Variants in DMD observed in about 807,000 individuals in gnomAD.
DMD encodes dystrophin, also known as mutant dystrophin.
DMD carries 63 observed loss-of-function variants against 330.1 expected under a neutral mutation model. The observed-to-expected ratio is 0.19, with a 90% CI of 0.16 to 0.24. The LOEUF (loss-of-function observed/expected upper bound fraction) is 0.24, where lower values mean the gene tolerates loss of function less well. Ranked by LOEUF, DMD falls within the 10% of genes least tolerant of loss-of-function variation. The probability of loss-of-function intolerance (pLI) is 1.00; values close to 1 mark genes in which losing one functional copy is unlikely to be tolerated. For synonymous variants in DMD, 1,223 were observed against 959.8 expected (o/e 1.27, Z -5.07); for missense variants, 3,344 against 2,684.1 (o/e 1.25, Z -5.43).
chrX:32,651,588 C>T (rs68166308), intron 9 of DMD, among the ~76,000 whole-genome samples: 9,342 of 111,475 alleles, frequency 0.084, 934 homozygotes, highest in African/African-American at 0.29. Context: ...AAATAATGCA[C>T]GCAAGTCACA....
chrX:32,742,703 A>G (rs1443155510), intron 7 of DMD, among the ~76,000 whole-genome samples: 1 of 111,958 alleles, frequency 8.9e-6, no homozygotes, highest in Non-Finnish European at 1.9e-5. Context: ...CAACACAGAC[A>G]TTGGGCAGTA....
At position 31,872,961 on chromosome X, in the gene DMD, C is replaced by T. The variant is rs183109347; in HGVS notation, c.7098+2227G>A. On this transcript the variant is annotated intron_variant, in intron 48 of 78. Coordinates refer to ENST00000357033, the MANE Select transcript of DMD (RefSeq NM_004006.3). ...CCTAGAACTGATGGCTTCCCTGAGA[C>T]GATGATGTGTTTTGTACGCACCCAG... 1.2e-4 allele frequency among the ~76,000 whole-genome samples: 13 copies of T among 110,791 alleles called. No homozygotes were observed. In the East Asian group the frequency reaches 3.2e-3, roughly 27 times the overall value.
rs1184363936 is a variant in DMD, at chrX:31,891,425, C to A, written c.6913-16052G>T. Among the ~76,000 whole-genome samples the A allele has an allele frequency of 2.7e-5, 3 of 111,982 alleles. No individual in the cohort carries two copies. In the South Asian group the frequency reaches 1.1e-3, roughly 42 times the overall value. Reference sequence around the variant, plus strand: ...TATTCTGCGAGGATTGTTGCCATAACCCCATTTCAACAGGAGACTTGGGCA... The same window carrying A: ...TATTCTGCGAGGATTGTTGCCATAAACCCATTTCAACAGGAGACTTGGGCA... On this transcript the variant is annotated intron_variant, in intron 47 of 78. Coordinates refer to ENST00000357033, the MANE Select transcript of DMD (RefSeq NM_004006.3).
At chrX:31,951,158 T>C (rs979278913) in intron 45 of DMD, among the ~76,000 whole-genome samples, 1,217 of 79,049 alleles carry the variant, frequency 0.015, 39 homozygotes, top group African/African-American at 0.068. Context: ...TATATATATA[T>C]GTATATATAT....
chrX:31,756,486 A>ACG (rs2089101291), intron 51 of DMD, among the ~76,000 whole-genome samples: 1 of 105,599 alleles, frequency 9.5e-6, no homozygotes, highest in African/African-American at 3.4e-5. Context: ...ACACACACAC[A>ACG]CACGCGCATG....
chrX:31,472,689 T>C (rs946184048), intron 59 of DMD, among the ~76,000 whole-genome samples: 2 of 112,217 alleles, frequency 1.8e-5, no homozygotes, highest in Non-Finnish European at 3.8e-5. Context: ...AAACTTTAGA[T>C]GTGAATGCTG....
chrX:33,019,112 T>C (rs2093863956), intron 2 of DMD, among the ~76,000 whole-genome samples: 1 of 111,839 alleles, frequency 8.9e-6, no homozygotes, highest in Non-Finnish European at 1.9e-5. Flanking sequence ...GGAGAACTTT[T>C]GAGATTGGAT....
At chrX:33,074,137 G>A (rs141854246) in intron 1 of DMD, among the ~76,000 whole-genome samples, 1,440 of 111,235 alleles carry the variant, frequency 0.013, 26 homozygotes, top group African/African-American at 0.045. Context: ...AATCCCAGCC[G>A]CCATTCTTCA....
chrX:32,403,348 A>G (rs1430663619), intron 30 of DMD, among the ~76,000 whole-genome samples: 2 of 111,583 alleles, frequency 1.8e-5, no homozygotes, highest in Non-Finnish European at 3.8e-5. Context: ...AAGTTATTAG[A>G]CTGGTGCAAA....
Position 32,109,932 on chromosome X carries a change from G to A in DMD, c.6438+106984C>T, listed in dbSNP as rs1043997195. 1.4e-4 allele frequency among the ~76,000 whole-genome samples: 15 copies of A among 111,040 alleles called. No homozygotes were observed. The Admixed American group carries it at 1.4e-3, about 11-fold the overall frequency. ...TAAGGCAACTTCTTGACAAACACAC[G>A]TCAAATAACACCAACATCAAAATCT... On this transcript the variant is annotated intron_variant, in intron 44 of 78. Coordinates refer to ENST00000357033, the MANE Select transcript of DMD (RefSeq NM_004006.3).
intron 29 of DMD, among the ~76,000 whole-genome samples, chrX:32,428,348 C>T (rs1014598479): frequency 1.2e-4 from 13 of 111,568 alleles, no homozygotes; most frequent in African/African-American, 4.2e-4. Context: ...GAGTATTTCC[C>T]TAATAATACC....
intron 47 of DMD, 135 bp downstream of exon 47, chrX:31,929,461 G>A: frequency 1.3e-6 from 1 of 749,390 alleles, no homozygotes; most frequent in Non-Finnish European, 2.0e-6. Context: ...CAAACGGTCA[G>A]GTTAAAAAAA....
intron 7 of DMD, among the ~76,000 whole-genome samples, chrX:32,748,332 C>T (rs1310600317): frequency 1.2e-5 from 1 of 84,528 alleles, no homozygotes; most frequent in Non-Finnish European, 2.2e-5. Context: ...GGTGACAGAA[C>T]AAGACTCCGT....
At chrX:31,221,794 G>A (rs916483932) in intron 64 of DMD, among the ~76,000 whole-genome samples, 4 of 112,739 alleles carry the variant, frequency 3.5e-5, no homozygotes, top group East Asian at 2.8e-4. Flanking sequence ...ATTGGCTCAC[G>A]CCTGTAATCC....
chrX:32,352,510 T>C (rs1284794974), intron 37 of DMD, among the ~76,000 whole-genome samples: 1 of 111,091 alleles, frequency 9.0e-6, no homozygotes, highest in Non-Finnish European at 1.9e-5. Flanking sequence ...TATTTTACAC[T>C]TATTTATAAA....
intron 60 of DMD, among the ~76,000 whole-genome samples, chrX:31,430,889 G>A (rs936937956): frequency 3.4e-5 from 3 of 89,357 alleles, no homozygotes; most frequent in African/African-American, 8.6e-5. Context: ...TGCAAGCTCC[G>A]CCTCCCAGGT....
intron 2 of DMD, among the ~76,000 whole-genome samples, chrX:32,906,576 T>C (rs1430593032): frequency 1.8e-5 from 2 of 111,777 alleles, no homozygotes; most frequent in African/African-American, 6.5e-5. Context: ...AGAGCAAAGC[T>C]GAATTGAAAT....
chrX:33,249,595 G>C (rs748595293), intron 1 of DMD, among the ~76,000 whole-genome samples: 4 of 111,341 alleles, frequency 3.6e-5, no homozygotes, highest in African/African-American at 1.3e-4. Flanking sequence ...TGCACTCTTG[G>C]CCTGCCCATT....
intron 1 of DMD, among the ~76,000 whole-genome samples, chrX:33,219,306 T>TTTTG (rs1363727434): frequency 9.6e-5 from 7 of 72,976 alleles, no homozygotes; most frequent in African/African-American, 1.8e-4. Context: ...TTAGAGATTA[T>TTTTG]TGTGTGTGTG....
Sources: gnomAD v4.1 joint callset for allele counts (sites outside exome capture counted in the v4.1 genomes callset) on GRCh38, gnomAD v4.1.1 for gene constraint, MANE v1.5 for transcripts, NCBI Gene and HGNC (gene_info 2026-07-23, HGNC 2026-07-21) for gene names.